The following LGSN variants were observed in gnomAD, a reference collection of about 807,000 sequenced individuals.
The protein encoded by LGSN is lengsin.
In LGSN, 21 loss-of-function variants were observed where a neutral mutation model predicts 19.5. That is an observed-to-expected ratio of 1.07 (90% CI 0.76 to 1.55). The LOEUF (loss-of-function observed/expected upper bound fraction) is 1.55. Ranked by LOEUF, LGSN falls within the 40% of genes most tolerant of loss-of-function variation. LGSN has a pLI of 0.00. For missense variants in LGSN, 673 were observed against 608.5 expected (o/e 1.11, Z -1.12); for synonymous variants, 257 against 215.6 (o/e 1.19, Z -1.68).
chr6:63,526,589 C>T, the LGSN span, among the ~76,000 whole-genome samples: 5 of 151,498 alleles, frequency 3.3e-5, no homozygotes, highest in African/African-American at 4.9e-5. Flanking sequence ...GCAGGCGGAT[C>T]GCAAGGTAAG....
chr6:63,521,220 A>C, the LGSN span, among the ~76,000 whole-genome samples: 1 of 152,182 alleles, frequency 6.6e-6, no homozygotes, highest in Non-Finnish European at 1.5e-5. Flanking sequence ...CCCAAAACTT[A>C]AAGTAAAATA....
intron 2 of LGSN, among the ~76,000 whole-genome samples, chr6:63,290,918 AC>A (rs1582027580): frequency 6.6e-6 from 1 of 152,250 alleles, no homozygotes; most frequent in East Asian, 1.9e-4. Flanking sequence ...TTTTGTATTA[AC>A]CGTCTGGCCC....
At chr6:63,505,360 T>C in the LGSN span, among the ~76,000 whole-genome samples, 1 of 151,394 alleles carries the variant, frequency 6.6e-6, no homozygotes, top group Non-Finnish European at 1.5e-5. Context: ...GTGGATCACC[T>C]TGAGGTCAGG....
the LGSN span, among the ~76,000 whole-genome samples, chr6:63,344,381 A>T: frequency 6.6e-6 from 1 of 152,250 alleles, no homozygotes; most frequent in African/African-American, 2.4e-5. Flanking sequence ...AAATGTGAGG[A>T]TATACCAAGA....
chr6:63,289,422 T>C (rs1462550105), intron 2 of LGSN, among the ~76,000 whole-genome samples: 2 of 152,144 alleles, frequency 1.3e-5, no homozygotes, highest in African/African-American at 4.8e-5. Flanking sequence ...CAATTAAACC[T>C]TTTGGTCAGC....
chr6:63,292,503 A>C (rs917400642), intron 2 of LGSN, among the ~76,000 whole-genome samples: 5 of 152,152 alleles, frequency 3.3e-5, no homozygotes, highest in African/African-American at 1.2e-4. Context: ...AAACTCTAAC[A>C]ATGTTACTTA....
At chr6:63,312,776 C>T (rs747496125) in intron 1 of LGSN, among the ~76,000 whole-genome samples, 127 of 152,004 alleles carry the variant, frequency 8.4e-4, no homozygotes, top group Non-Finnish European at 4.4e-4. Context: ...GAGAAGCGGG[C>T]GAAATGAGCA....
the LGSN span, among the ~76,000 whole-genome samples, chr6:63,449,659 A>C: frequency 6.6e-6 from 1 of 152,224 alleles, no homozygotes; most frequent in Non-Finnish European, 1.5e-5. Context: ...AAGAAGATAA[A>C]AGAAAGGGTA....
chr6:63,472,381 GT>G, the LGSN span, among the ~76,000 whole-genome samples: 1 of 152,162 alleles, frequency 6.6e-6, no homozygotes, highest in Non-Finnish European at 1.5e-5. Context: ...AGATTCTGAG[GT>G]TCTTCAAGAC....
chr6:63,292,447 C>G lies in LGSN; in HGVS notation c.163+2466G>C, dbSNP rs115117350. Among the ~76,000 whole-genome samples the G allele has an allele frequency of 8.4e-3, 1,276 of 152,302 alleles. 13 individuals are homozygous for G. Among genetic ancestry groups the G allele is most frequent in the Non-Finnish European group, 0.015 (1,022 of 68,016 alleles). Reference sequence around the variant, plus strand: ...TCTCCAAGCATTTAGAATGTCTTGCCTGACAAGAGTGTCTTTGTTTACCAA... The same window carrying G: ...TCTCCAAGCATTTAGAATGTCTTGCGTGACAAGAGTGTCTTTGTTTACCAA... On this transcript the variant is annotated intron_variant, in intron 2 of 3. Transcript: ENST00000370657.
chr6:63,365,140 T>A, the LGSN span, among the ~76,000 whole-genome samples: 1 of 151,884 alleles, frequency 6.6e-6, no homozygotes, highest in Admixed American at 6.6e-5. Flanking sequence ...AATCAATGAA[T>A]CCAGGAGCTG....
chr6:63,460,064 T>C, the LGSN span, among the ~76,000 whole-genome samples: 3 of 150,590 alleles, frequency 2.0e-5, no homozygotes, highest in Admixed American at 6.6e-5. Flanking sequence ...AAAATCCTAG[T>C]CTTTCAAATC....
the LGSN span, among the ~76,000 whole-genome samples, chr6:63,502,196 A>AGGAAATAATTT: frequency 6.6e-6 from 1 of 152,202 alleles, no homozygotes; most frequent in Admixed American, 6.5e-5. Context: ...TCAAGATAAG[A>AGGAAATAATTT]GGAAATACTT....
At chr6:63,468,078 G>C in the LGSN span, among the ~76,000 whole-genome samples, 1 of 152,104 alleles carries the variant, frequency 6.6e-6, no homozygotes, top group East Asian at 1.9e-4. Flanking sequence ...TTTTTGAGAA[G>C]ACAAAATTCA....
chr6:63,362,617 A>G, the LGSN span, among the ~76,000 whole-genome samples: 1 of 152,188 alleles, frequency 6.6e-6, no homozygotes, highest in Non-Finnish European at 1.5e-5. Flanking sequence ...GCAGTCTGAG[A>G]TCAAACTGCA....
At chr6:63,536,052 C>A in the LGSN span, among the ~76,000 whole-genome samples, 1 of 149,232 alleles carries the variant, frequency 6.7e-6, no homozygotes, top group Non-Finnish European at 1.5e-5. Flanking sequence ...GGTTTACAGG[C>A]TTGAGCCACC....
chr6:63,431,789 G>A, the LGSN span, among the ~76,000 whole-genome samples: 5 of 152,068 alleles, frequency 3.3e-5, no homozygotes, highest in Non-Finnish European at 7.4e-5. Flanking sequence ...AGCATTGGCC[G>A]GGTGCAGTGG....
Position 63,280,610 on chromosome 6 carries a change from A to G in LGSN, c.941T>C (p.Leu314Ser), listed in dbSNP as rs139950042. ...IETGFCDSGI[L>S]SHSLWDVDRK... ...ATCGACATCCCAGAGACTATGAGAC[A>G]AAATCCCTGAATCACAAAATCCAGT... Residue 314 changes from leucine to serine, a missense_variant, in exon 4 of 4, where the codon TTG becomes TCG. By Grantham distance (145) the Leu-to-Ser change is moderately radical. Coordinates refer to ENST00000370657, the MANE Select transcript of LGSN (RefSeq NM_016571.3). 2,435 of 1,614,114 alleles carry G rather than the reference A, an allele frequency of 1.5e-3. 4 individuals carry two copies. Among genetic ancestry groups the G allele is most frequent in the Non-Finnish European group, 1.9e-3 (2,247 of 1,180,032 alleles).
At chr6:63,554,473 C>T in the LGSN span, among the ~76,000 whole-genome samples, 1 of 152,140 alleles carries the variant, frequency 6.6e-6, no homozygotes, top group Non-Finnish European at 1.5e-5. Flanking sequence ...CTCTTCTCAG[C>T]CTTCCCATAG....
Sources: allele counts gnomAD v4.1 joint callset (sites outside exome capture counted in the v4.1 genomes callset), GRCh38; gene constraint gnomAD v4.1.1; transcripts MANE v1.5; gene names NCBI Gene and HGNC (gene_info 2026-07-23, HGNC 2026-07-21).